Variants in TAFA1 observed in about 807,000 individuals in gnomAD.
TAFA1 encodes chemokine-like protein TAFA-1.
In TAFA1, 4 loss-of-function variants were observed where a neutral mutation model predicts 18.5. The observed-to-expected ratio is 0.22, with a 90% CI of 0.11 to 0.49. TAFA1 has a LOEUF of 0.49. TAFA1 is among the 20% of genes least tolerant of loss of function. The pLI is 0.98. For missense variants in TAFA1, 147 were observed against 169.0 expected (o/e 0.87, Z 0.72); for synonymous variants, 56 against 55.2 (o/e 1.01, Z -0.06).
chr3:68,243,897 C>G (rs908650347), intron 2 of TAFA1, among the ~76,000 whole-genome samples: 6 of 152,184 alleles, frequency 3.9e-5, no homozygotes, highest in Non-Finnish European at 8.8e-5. Flanking sequence ...TATTACAGTT[C>G]TAGCAGTTAT....
chr3:68,024,180 G>T (rs983798965), intron 2 of TAFA1, among the ~76,000 whole-genome samples: 2 of 151,960 alleles, frequency 1.3e-5, no homozygotes, highest in Non-Finnish European at 2.9e-5. Context: ...GAACTGTATC[G>T]TTTCTAGTAA....
intron 2 of TAFA1, among the ~76,000 whole-genome samples, chr3:68,089,097 G>A (rs775259456): frequency 2.1e-4 from 32 of 152,106 alleles, no homozygotes; most frequent in Non-Finnish European, 3.5e-4. Context: ...CACGTGCTAT[G>A]CTTGAGGCAC....
intron 3 of TAFA1, among the ~76,000 whole-genome samples, chr3:68,455,271 T>G (rs1328786368): frequency 1.3e-5 from 2 of 151,936 alleles, no homozygotes; most frequent in Non-Finnish European, 2.9e-5. Flanking sequence ...CAAAGGCAGT[T>G]GGAGGAGGTG....
chr3:68,211,471 CT>C (rs1436398337), intron 2 of TAFA1, among the ~76,000 whole-genome samples: 4 of 152,076 alleles, frequency 2.6e-5, no homozygotes, highest in African/African-American at 9.7e-5. Flanking sequence ...ATTCTACCAT[CT>C]GCTAGTCACC....
At chr3:68,089,680 G>A (rs763275701) in intron 2 of TAFA1, among the ~76,000 whole-genome samples, 3 of 152,098 alleles carry the variant, frequency 2.0e-5, no homozygotes, top group Non-Finnish European at 4.4e-5. Context: ...TTGAAATGTG[G>A]TCCTGACCCC....
chr3:68,467,926 T>C (rs114140427), intron 3 of TAFA1, among the ~76,000 whole-genome samples: 4,173 of 152,304 alleles, frequency 0.027, 90 homozygotes, highest in Middle Eastern at 0.078. Context: ...TTTCAGTAAA[T>C]GTTCCAGAAA....
intron 2 of TAFA1, among the ~76,000 whole-genome samples, chr3:68,133,550 TG>T (rs2106886646): frequency 6.6e-6 from 1 of 152,304 alleles, no homozygotes; most frequent in Non-Finnish European, 1.5e-5. Context: ...CCTCAAGCAG[TG>T]GTTTGTAGTT....
At chr3:68,531,270 T>C (rs2073185095) in intron 3 of TAFA1, among the ~76,000 whole-genome samples, 1 of 152,138 alleles carries the variant, frequency 6.6e-6, no homozygotes, top group African/African-American at 2.4e-5. Context: ...AGAAAGAATT[T>C]GACCGAATGA....
intron 3 of TAFA1, among the ~76,000 whole-genome samples, chr3:68,432,516 C>T (rs1230185342): frequency 2.0e-5 from 3 of 151,950 alleles, no homozygotes; most frequent in African/African-American, 7.2e-5. Context: ...AATGCCTTTG[C>T]TTGTGCACCT....
At chr3:68,295,388 C>G (rs964206537) in intron 2 of TAFA1, among the ~76,000 whole-genome samples, 3 of 151,494 alleles carry the variant, frequency 2.0e-5, no homozygotes, top group African/African-American at 7.3e-5. Context: ...TTTATCTTGA[C>G]TCTAAGTTCT....
chr3:68,305,330 C>G (rs549082266), intron 2 of TAFA1, among the ~76,000 whole-genome samples: 1 of 146,638 alleles, frequency 6.8e-6, no homozygotes, highest in Admixed American at 6.9e-5. Context: ...TTTAATAACA[C>G]TATTTCCAAG....
chr3:68,258,444 C>A (rs545890865), intron 2 of TAFA1, among the ~76,000 whole-genome samples: 1 of 152,124 alleles, frequency 6.6e-6, no homozygotes, highest in Non-Finnish European at 1.5e-5. Flanking sequence ...TAACTATGCT[C>A]CCTTTTTACA....
chr3:68,382,317 C>T (rs796505044), intron 2 of TAFA1, among the ~76,000 whole-genome samples: 3 of 152,272 alleles, frequency 2.0e-5, no homozygotes, highest in Non-Finnish European at 2.9e-5. Flanking sequence ...AGGATTCCCT[C>T]TTTTTCTGTT....
intron 2 of TAFA1, among the ~76,000 whole-genome samples, chr3:68,226,972 G>A (rs1045041117): frequency 6.6e-6 from 1 of 152,162 alleles, no homozygotes; most frequent in African/African-American, 2.4e-5. Context: ...CGTAGCCTTG[G>A]CCGAGGGGTT....
intron 2 of TAFA1, among the ~76,000 whole-genome samples, chr3:68,114,187 A>T (rs572187721): frequency 1.3e-5 from 2 of 152,104 alleles, no homozygotes; most frequent in East Asian, 3.9e-4. Context: ...AGGACGTAGG[A>T]GACGTGGCCT....
chr3:68,128,929 A>G (rs1228182183), intron 2 of TAFA1, among the ~76,000 whole-genome samples: 4 of 152,216 alleles, frequency 2.6e-5, no homozygotes, highest in Non-Finnish European at 4.4e-5. Context: ...TCTGTCATTT[A>G]AACTGGACTA....
chr3:68,104,660 T>C (rs949082232), intron 2 of TAFA1, among the ~76,000 whole-genome samples: 1 of 152,140 alleles, frequency 6.6e-6, no homozygotes, highest in Non-Finnish European at 1.5e-5. Context: ...TAAAGTTTTA[T>C]TTATAAATAA....
At chr3:68,081,316 C>G (rs2106775206) in intron 2 of TAFA1, among the ~76,000 whole-genome samples, 1 of 152,252 alleles carries the variant, frequency 6.6e-6, no homozygotes, top group Non-Finnish European at 1.5e-5. Flanking sequence ...CTCAGCTCGT[C>G]AAAGTCATTC....
intron 2 of TAFA1, among the ~76,000 whole-genome samples, chr3:68,330,586 G>A (rs1442564370): frequency 1.3e-5 from 2 of 152,058 alleles, no homozygotes; most frequent in African/African-American, 4.8e-5. Context: ...AACAACCCTG[G>A]GATGCAAGGT....
Sources: gnomAD v4.1 joint callset for allele counts (sites outside exome capture counted in the v4.1 genomes callset) on GRCh38, gnomAD v4.1.1 for gene constraint, MANE v1.5 for transcripts, NCBI Gene and HGNC (gene_info 2026-07-23, HGNC 2026-07-21) for gene names.